Variants in SHOC1 observed in about 807,000 individuals in gnomAD.
SHOC1 encodes the protein shortage in chiasmata 1.
SHOC1 carries 136 observed loss-of-function variants against 179.2 expected under a neutral mutation model. The observed-to-expected ratio is 0.76, with a 90% CI of 0.66 to 0.87. The LOEUF is 0.87. Among genes scored for constraint, SHOC1 ranks in the 40% least tolerant of loss-of-function variants. The pLI, the probability that SHOC1 is intolerant of heterozygous loss-of-function variation, is 0.00. For missense variants in SHOC1, 1,538 were observed against 1,700.8 expected (o/e 0.90, Z 1.68); for synonymous variants, 489 against 586.6 (o/e 0.83, Z 2.41).
chr9:111,727,468 T>G (rs10981038), intron 13 of SHOC1, among the ~76,000 whole-genome samples, 165 bp downstream of exon 13: 29,382 of 152,124 alleles, frequency 0.19, 2,992 homozygotes, highest in Non-Finnish European at 0.22. Flanking sequence ...TATCCATATC[T>G]ATCTGTAAAC....
At chr9:111,694,741 A>C (rs1023051884) in intron 24 of SHOC1, among the ~76,000 whole-genome samples, 4 of 152,096 alleles carry the variant, frequency 2.6e-5, no homozygotes, top group Non-Finnish European at 4.4e-5. Flanking sequence ...TTGTCAATTA[A>C]AATAAGAATT....
chr9:111,735,914 A>G (rs1274874585), intron 12 of SHOC1, among the ~76,000 whole-genome samples: 1 of 152,034 alleles, frequency 6.6e-6, no homozygotes, highest in Non-Finnish European at 1.5e-5. Context: ...TTGGTACCAC[A>G]TTTTCTTTAT....
chr9:111,693,723 A>C, intron 26 of SHOC1, 76 bp downstream of exon 26: 1 of 957,070 alleles, frequency 1.0e-6, no homozygotes, highest in Non-Finnish European at 1.5e-6. Context: ...TCATTTTAAA[A>C]ATCCTATTGT....
chr9:111,750,293 G>C (rs1057367244), intron 8 of SHOC1, among the ~76,000 whole-genome samples: 1 of 151,652 alleles, frequency 6.6e-6, no homozygotes, highest in Admixed American at 6.6e-5. Context: ...GGGATGTTAA[G>C]GTTTTTTTTT....
chr9:111,784,258 T>C (rs1311676455), intron 3 of SHOC1, among the ~76,000 whole-genome samples: 1 of 152,188 alleles, frequency 6.6e-6, no homozygotes, highest in Non-Finnish European at 1.5e-5. Flanking sequence ...ACAAATTGGC[T>C]TCTCTATAAG....
At chr9:111,706,876 G>C (rs34421217) in intron 19 of SHOC1, 130 bp from the exon 20 acceptor site, 14,972 of 523,878 alleles carry the variant, frequency 0.029, 796 homozygotes, top group African/African-American at 0.16. Flanking sequence ...AAAGGCACTG[G>C]TGCGTTTTCT....
chr9:111,701,316 T>C (rs1034636220), intron 23 of SHOC1, among the ~76,000 whole-genome samples: 7 of 152,168 alleles, frequency 4.6e-5, no homozygotes, highest in African/African-American at 1.7e-4. Context: ...TATCTAGAGG[T>C]CTGAAATCAT....
intron 16 of SHOC1, among the ~76,000 whole-genome samples, chr9:111,716,538 G>A (rs991917447): frequency 1.3e-5 from 2 of 151,682 alleles, no homozygotes; most frequent in Non-Finnish European, 2.9e-5. Context: ...CTACAGGTGT[G>A]CACCACCACG....
Position 111,748,326 on chromosome 9 carries a change from A to T in SHOC1, c.863-127T>A, listed in dbSNP as rs764582416. 53 of 634,312 alleles carry T rather than the reference A, an allele frequency of 8.4e-5. No individual in the cohort carries two copies. In the Middle Eastern group the frequency reaches 1.4e-3, roughly 16 times the overall value. 39.3% of individuals were successfully genotyped at this position (634,312 alleles called of 1,614,324 possible). A position where few individuals can be genotyped will look rare whatever the true frequency, so the allele number is the denominator to read the frequency against. Reference sequence around the variant, plus strand: ...ATTGCATGTCAATTTTTCCTTTTAGAGAGAAGTAGAGATTTATACTTCTGA... The same window carrying T: ...ATTGCATGTCAATTTTTCCTTTTAGTGAGAAGTAGAGATTTATACTTCTGA... On this transcript the variant is annotated intron_variant, in intron 8 of 27. Transcript: ENST00000682961.
chr9:111,754,796 T>C (rs941942153), intron 8 of SHOC1, among the ~76,000 whole-genome samples: 5 of 152,352 alleles, frequency 3.3e-5, no homozygotes, highest in Admixed American at 2.6e-4. Flanking sequence ...TACTGATACG[T>C]TGGATAATGC....
At chr9:111,773,765 T>C (rs1200755060) in intron 5 of SHOC1, among the ~76,000 whole-genome samples, 2 of 152,088 alleles carry the variant, frequency 1.3e-5, no homozygotes, top group Non-Finnish European at 2.9e-5. Context: ...CCAACAACCA[T>C]AAAAGAAAAC....
intron 15 of SHOC1, 54 bp from the exon 16 acceptor site, chr9:111,718,342 A>C (rs1363787293): frequency 1.0e-5 from 12 of 1,179,262 alleles, no homozygotes; most frequent in Non-Finnish European, 1.4e-5. Context: ...CAGTTTTAGA[A>C]TATGTATCAG....
chr9:111,691,333 T>TA (rs1205207367), intron 27 of SHOC1, among the ~76,000 whole-genome samples: 5 of 152,222 alleles, frequency 3.3e-5, no homozygotes, highest in Admixed American at 1.3e-4. Flanking sequence ...TTTAACTTCT[T>TA]AAGTTGAATG....
Position 111,702,203 on chromosome 9 carries a change from C to G in SHOC1, c.2991G>C (p.Glu997Asp), listed in dbSNP as rs1317445285. 1.4e-6 allele frequency: 2 copies of G among 1,472,030 alleles called. No individual in the cohort carries two copies. Among genetic ancestry groups the G allele is most frequent in the African/African-American group, 2.8e-5 (2 of 71,438 alleles). The allele number at this position is 1,472,030 out of a possible 1,614,324, so 91.2% of individuals were successfully genotyped here. A position where few individuals can be genotyped will look rare whatever the true frequency, so the allele number is the denominator to read the frequency against. ...TCATAATGATATTGTCTGATGCCTT[C>G]TCATAATTCAATTCTTCTAGATCCT... ...ILQDLEELNY[E>D]KASDNIIMRL... The change falls in exon 23 of 28, where the codon GAG (glutamate) becomes GAC (aspartate). Residue 997 changes from glutamate to aspartate, a missense_variant. Transcript: ENST00000682961.
chr9:111,753,841 G>T (rs1195684292), intron 8 of SHOC1, among the ~76,000 whole-genome samples: 1 of 152,128 alleles, frequency 6.6e-6, no homozygotes, highest in East Asian at 1.9e-4. Context: ...AATCTAAAAA[G>T]CCGAACTTAT....
chr9:111,778,374 T>G (rs893893463), intron 4 of SHOC1, among the ~76,000 whole-genome samples: 15 of 152,136 alleles, frequency 9.9e-5, no homozygotes, highest in African/African-American at 3.6e-4. Context: ...ATGCTGGGAA[T>G]GGGGTGGTAA....
intron 19 of SHOC1, among the ~76,000 whole-genome samples, chr9:111,707,557 G>T (rs1055849484): frequency 2.6e-5 from 4 of 152,000 alleles, no homozygotes; most frequent in African/African-American, 9.7e-5. Context: ...GCTGAGCAAA[G>T]AAACTGGTAC....
intron 10 of SHOC1, among the ~76,000 whole-genome samples, chr9:111,743,052 T>G (rs1228050296): frequency 2.0e-5 from 3 of 152,192 alleles, no homozygotes; most frequent in Non-Finnish European, 4.4e-5. Context: ...AGACTTTTCT[T>G]TTTTAGCCCA....
At position 111,763,806 on chromosome 9, in the gene SHOC1, C is replaced by A. The variant is rs540510960; in HGVS notation, c.443-4958G>T. Among the ~76,000 whole-genome samples the A allele has an allele frequency of 1.7e-4, 26 of 152,184 alleles. No homozygotes were observed. The South Asian group carries it at 5.4e-3, about 32-fold the overall frequency. On this transcript the variant is annotated intron_variant, in intron 5 of 27. Transcript: ENST00000682961. ...TAACGACTTGTTCTAGAACTAAAAT[C>A]CCCAAAGATAAAACTATTGGTACAC... is the stretch of plus-strand genomic sequence containing the variant.
Sources: allele counts gnomAD v4.1 joint callset (sites outside exome capture counted in the v4.1 genomes callset), GRCh38; gene constraint gnomAD v4.1.1; transcripts MANE v1.5; gene names NCBI Gene and HGNC (gene_info 2026-07-23, HGNC 2026-07-21).